The following OCA2 variants were observed in gnomAD, a reference collection of about 807,000 sequenced individuals.
The protein encoded by OCA2 is OCA2 melanosomal transmembrane protein.
OCA2 carries 77 observed loss-of-function variants against 100.2 expected under a neutral mutation model. That is an observed-to-expected ratio of 0.77 (90% CI 0.64 to 0.93). OCA2 has a LOEUF of 0.93. OCA2 is among the 40% of genes least tolerant of loss of function. The pLI is 0.00. For synonymous variants in OCA2, 432 were observed against 439.2 expected, an observed-to-expected ratio of 0.98 and a Z score of 0.21; for missense variants, 1,062 against 1,089.1, an observed-to-expected ratio of 0.98 and a Z score of 0.35.
intron 18 of OCA2, among the ~76,000 whole-genome samples, chr15:27,946,135 T>C (rs1293273517): frequency 1.3e-5 from 2 of 152,174 alleles, no homozygotes; most frequent in Non-Finnish European, 2.9e-5. Context: ...TGTTACATTA[T>C]ATCCAAAATT....
At chr15:27,882,746 C>G (rs181682346) in intron 19 of OCA2, among the ~76,000 whole-genome samples, 88 of 152,278 alleles carry the variant, frequency 5.8e-4, no homozygotes, top group Non-Finnish European at 1.1e-3. Flanking sequence ...TTCTGTCACA[C>G]TTTCTAAGGG....
At chr15:27,876,228 T>C in intron 19 of OCA2, among the ~76,000 whole-genome samples, 1 of 152,246 alleles carries the variant, frequency 6.6e-6, no homozygotes, top group East Asian at 1.9e-4. Flanking sequence ...AATGATCATA[T>C]GGTTTTTCTC....
the OCA2 span, among the ~76,000 whole-genome samples, chr15:27,725,273 T>C: frequency 6.6e-6 from 1 of 152,232 alleles, no homozygotes; most frequent in African/African-American, 2.4e-5. Context: ...ACATAGACTG[T>C]AGGCCAAGAC....
At chr15:27,855,411 T>C (rs2035913592) in intron 21 of OCA2, among the ~76,000 whole-genome samples, 1 of 152,334 alleles carries the variant, frequency 6.6e-6, no homozygotes, top group African/African-American at 2.4e-5. Flanking sequence ...GAGCACCACC[T>C]GCCACTTCTG....
At chr15:27,757,458 A>C (rs2030475791) in intron 23 of OCA2, among the ~76,000 whole-genome samples, 1 of 152,218 alleles carries the variant, frequency 6.6e-6, no homozygotes, top group East Asian at 1.9e-4. Context: ...TGCATATAGT[A>C]GGGAACTTGA....
intron 20 of OCA2, 45 bp downstream of exon 20, chr15:27,871,818 A>C: frequency 7.6e-7 from 1 of 1,309,606 alleles, no homozygotes; most frequent in Non-Finnish European, 1.1e-6. Context: ...TCACAAAATC[A>C]AAGAACAGTG....
Position 27,952,803 on chromosome 15 carries a change from C to T in OCA2, c.1843-911G>A, listed in dbSNP as rs572722660. ...ACGTGATCCTCCTACCTCAGCCTCC[C>T]TCCCCAGTAGCTGGGACTACAGGTG... On this transcript the variant is annotated intron_variant, in intron 17 of 23. Transcript: ENST00000354638. Among the ~76,000 whole-genome samples the T allele has an allele frequency of 1.2e-4, 19 of 152,264 alleles. No homozygotes were observed. The East Asian group carries it at 3.7e-3, about 29-fold the overall frequency.
At chr15:27,866,710 C>G (rs1222709092) in intron 21 of OCA2, among the ~76,000 whole-genome samples, 1 of 152,216 alleles carries the variant, frequency 6.6e-6, no homozygotes, top group Admixed American at 6.5e-5. Flanking sequence ...CGAGGCTCTG[C>G]ACCAGGAAGC....
chr15:27,896,954 G>A (rs2037720912), intron 19 of OCA2, among the ~76,000 whole-genome samples: 1 of 152,136 alleles, frequency 6.6e-6, no homozygotes, highest in Non-Finnish European at 1.5e-5. Flanking sequence ...ACTCTGGGGG[G>A]CCGAGGTGGG....
At chr15:27,904,376 C>G (rs975982151) in intron 19 of OCA2, among the ~76,000 whole-genome samples, 1 of 152,144 alleles carries the variant, frequency 6.6e-6, no homozygotes, top group Non-Finnish European at 1.5e-5. Context: ...AGAAGAGATG[C>G]GCAGATGAGC....
At chr15:27,952,911 G>A (rs1327205935) in intron 17 of OCA2, among the ~76,000 whole-genome samples, 1 of 152,016 alleles carries the variant, frequency 6.6e-6, no homozygotes, top group East Asian at 1.9e-4. Context: ...TTGAACTCCT[G>A]GGCTCAAGCA....
intron 18 of OCA2, 115 bp from the exon 19 acceptor site, chr15:27,926,369 G>T (rs143579167): frequency 9.1e-7 from 1 of 1,097,154 alleles, no homozygotes; most frequent in Non-Finnish European, 1.4e-6. Flanking sequence ...ACTACAAACC[G>T]CATATATGTA....
intron 19 of OCA2, among the ~76,000 whole-genome samples, chr15:27,922,545 G>A (rs924434160): frequency 1.3e-5 from 2 of 152,204 alleles, no homozygotes; most frequent in African/African-American, 2.4e-5. Flanking sequence ...TGTACTGTCT[G>A]TGTTTGTGTA....
intron 23 of OCA2, among the ~76,000 whole-genome samples, chr15:27,766,739 GC>G (rs2031293137): frequency 6.6e-6 from 1 of 152,260 alleles, no homozygotes; most frequent in East Asian, 1.9e-4. Flanking sequence ...TCTCCTCCCA[GC>G]CCAGCAGCCC....
intron 2 of OCA2, among the ~76,000 whole-genome samples, chr15:28,046,818 G>C (rs894560698): frequency 4.6e-5 from 7 of 152,180 alleles, no homozygotes; most frequent in African/African-American, 1.7e-4. Flanking sequence ...TAGAGGCTGT[G>C]CCTCTTCACA....
chr15:27,739,935 CAG>C, the OCA2 span, among the ~76,000 whole-genome samples: 240 of 152,302 alleles, frequency 1.6e-3, 1 homozygote, highest in South Asian at 0.012. Context: ...GGACGTGACT[CAG>C]GGGTGCAGAG....
intron 21 of OCA2, among the ~76,000 whole-genome samples, chr15:27,857,180 T>C (rs1382376057): frequency 6.6e-6 from 1 of 152,072 alleles, no homozygotes; most frequent in East Asian, 1.9e-4. Context: ...TAAATATCAC[T>C]AAAGAGATAT....
chr15:27,895,832 T>C, intron 19 of OCA2: 2 of 493,376 alleles, frequency 4.1e-6, no homozygotes, highest in Admixed American at 2.6e-5. Flanking sequence ...CAAAAATAAA[T>C]ACAACACACC....
intron 23 of OCA2, among the ~76,000 whole-genome samples, chr15:27,830,985 A>C (rs2034926585): frequency 6.6e-6 from 1 of 152,210 alleles, no homozygotes; most frequent in Admixed American, 6.5e-5. Context: ...TTTACTTATA[A>C]GTATAGATAT....
Sources: allele counts gnomAD v4.1 joint callset (sites outside exome capture counted in the v4.1 genomes callset), GRCh38; gene constraint gnomAD v4.1.1; transcripts MANE v1.5; gene names NCBI Gene and HGNC (gene_info 2026-07-23, HGNC 2026-07-21).